ZBBX: variants seen among roughly 807,000 people sequenced by gnomAD.
The protein encoded by ZBBX is zinc finger B-box domain-containing protein 1.
A neutral mutation model predicts 108.5 loss-of-function variants in ZBBX; 101 were observed. The ratio of observed to expected loss-of-function variants is 0.93; its 90% CI spans 0.79 to 1.10. The LOEUF is 1.10. Ranked by LOEUF, ZBBX falls within the 50% of genes least tolerant of loss-of-function variation. The pLI is 0.00. For synonymous variants in ZBBX, 356 were observed against 323.4 expected (o/e 1.10, Z -1.08); for missense variants, 1,009 against 941.4 (o/e 1.07, Z -0.94).
At chr3:167,249,227 T>G (rs1215340083) in intron 20 of ZBBX, among the ~76,000 whole-genome samples, 1 of 152,166 alleles carries the variant, frequency 6.6e-6, no homozygotes, top group Admixed American at 6.5e-5. Context: ...CCATCTGGCA[T>G]TTGGAACTTT....
intron 6 of ZBBX, among the ~76,000 whole-genome samples, chr3:167,364,233 T>A (rs1744981857): frequency 6.6e-6 from 1 of 151,566 alleles, no homozygotes; most frequent in South Asian, 2.1e-4. Flanking sequence ...AAAATATACC[T>A]CTCAATGTTA....
At chr3:167,305,314 T>C (rs1293126954) in intron 17 of ZBBX, among the ~76,000 whole-genome samples, 1 of 152,140 alleles carries the variant, frequency 6.6e-6, no homozygotes, top group African/African-American at 2.4e-5. Context: ...AACTAGAAAG[T>C]ATTTATTATA....
At chr3:167,190,357 T>C in the ZBBX span, among the ~76,000 whole-genome samples, 10 of 151,380 alleles carry the variant, frequency 6.6e-5, no homozygotes, top group African/African-American at 2.2e-4. Flanking sequence ...ACATTTCTCT[T>C]AGGAACTAAA....
chr3:167,306,292 T>C (rs1733631627), intron 16 of ZBBX, among the ~76,000 whole-genome samples: 1 of 152,160 alleles, frequency 6.6e-6, no homozygotes, highest in South Asian at 2.1e-4. Flanking sequence ...TTTACAACAG[T>C]AATTCATGAG....
Position 167,305,829 on chromosome 3 carries a change from T to C in ZBBX, c.1539A>G (p.Leu513=). The C allele has an allele frequency of 1.2e-6, 2 of 1,612,232 alleles. No homozygotes were observed. The highest frequency in any genetic ancestry group is 1.3e-5 in the African/African-American group (1 of 74,992). Residue 513 remains leucine, a synonymous_variant, in exon 17 of 22, where the codon TTA becomes TTG. Coordinates refer to ENST00000675490, the MANE Select transcript of ZBBX (RefSeq NM_001199201.2). The part of the protein sequence containing the change: ...ERNLKEKNIG[L]ESNQKSDDSC... ...AATCATCAGACTTTTGATTACTTTC[T>C]AAACCTATATTTTTCTCCTTTAAAT...
intron 20 of ZBBX, among the ~76,000 whole-genome samples, chr3:167,272,796 T>C (rs536272775): frequency 6.6e-6 from 1 of 152,286 alleles, no homozygotes; most frequent in East Asian, 1.9e-4. Context: ...CCTTAACAAA[T>C]GTAGGAAAAC....
At chr3:167,235,207 A>G (rs989833710), downstream of ZBBX, among the ~76,000 whole-genome samples, 1 of 151,738 alleles carries the variant, frequency 6.6e-6, no homozygotes, top group Non-Finnish European at 1.5e-5. Context: ...TATGACATAG[A>G]AAGTCAGAGG....
intron 20 of ZBBX, among the ~76,000 whole-genome samples, chr3:167,270,664 T>C (rs1270615930): frequency 1.3e-5 from 2 of 152,150 alleles, no homozygotes; most frequent in Non-Finnish European, 2.9e-5. Context: ...ATGGCAATAT[T>C]AGTTGAAGAA....
intron 20 of ZBBX, among the ~76,000 whole-genome samples, chr3:167,267,148 T>A (rs2108450840): frequency 6.6e-6 from 1 of 152,346 alleles, no homozygotes; most frequent in East Asian, 1.9e-4. Context: ...AATCTGCGGT[T>A]CCACGGTCAC....
intron 20 of ZBBX, among the ~76,000 whole-genome samples, chr3:167,273,828 T>C (rs575143848): frequency 4.2e-4 from 64 of 152,306 alleles, no homozygotes; most frequent in Admixed American, 1.6e-3. Context: ...TTAGATGCAA[T>C]TGGAGTCCCA....
chr3:167,181,878 T>G, the ZBBX span, among the ~76,000 whole-genome samples: 3 of 152,212 alleles, frequency 2.0e-5, no homozygotes, highest in Non-Finnish European at 4.4e-5. Context: ...TGGCACTTTT[T>G]GTAGGGGTTC....
At chr3:167,183,328 G>A in the ZBBX span, among the ~76,000 whole-genome samples, 2 of 152,208 alleles carry the variant, frequency 1.3e-5, no homozygotes, top group African/African-American at 4.8e-5. Context: ...TTGCTTAAGA[G>A]TACTCGGGTG....
the ZBBX span, among the ~76,000 whole-genome samples, chr3:167,231,867 A>G: frequency 4.0e-5 from 6 of 151,840 alleles, no homozygotes; most frequent in Non-Finnish European, 1.5e-5. Flanking sequence ...AAATGGAAAT[A>G]CACTTTCATT....
intron 11 of ZBBX, among the ~76,000 whole-genome samples, chr3:167,326,201 T>C (rs993892993): frequency 6.6e-5 from 10 of 152,172 alleles, no homozygotes; most frequent in African/African-American, 2.4e-4. Context: ...GAGTTACAAA[T>C]GATTGTGTGT....
At chr3:167,252,009 G>C in intron 20 of ZBBX, 1 of 532,824 alleles carries the variant, frequency 1.9e-6, no homozygotes, top group Non-Finnish European at 3.0e-6. Context: ...ATCAGCCACA[G>C]CAATCAGAAT....
the ZBBX span, among the ~76,000 whole-genome samples, chr3:167,190,511 G>A: frequency 2.6e-5 from 4 of 151,514 alleles, no homozygotes; most frequent in East Asian, 5.9e-4. Context: ...CTCCCGACTA[G>A]CTGGGACTAC....
At chr3:167,366,060 A>G in intron 5 of ZBBX, 84 bp from the exon 6 acceptor site, 1 of 1,031,194 alleles carries the variant, frequency 9.7e-7, no homozygotes, top group East Asian at 2.6e-5. Flanking sequence ...TTCCTGTTTC[A>G]GAAAATGGAA....
chr3:167,273,768 G>A (rs181918218), intron 20 of ZBBX, among the ~76,000 whole-genome samples: 63 of 152,084 alleles, frequency 4.1e-4, no homozygotes, highest in African/African-American at 1.5e-3. Context: ...AAAACACAAC[G>A]CCACAAAATA....
At chr3:167,178,587 C>T in the ZBBX span, among the ~76,000 whole-genome samples, 6 of 152,144 alleles carry the variant, frequency 3.9e-5, no homozygotes, top group Admixed American at 1.3e-4. Context: ...ATCTCTTCTT[C>T]GGCATCTGGC....
Sources: allele counts gnomAD v4.1 joint callset (sites outside exome capture counted in the v4.1 genomes callset), GRCh38; gene constraint gnomAD v4.1.1; transcripts MANE v1.5; gene names NCBI Gene and HGNC (gene_info 2026-07-23, HGNC 2026-07-21).